Variants in SULF1 observed in about 807,000 individuals in gnomAD.
SULF1 encodes sulfatase 1, also known as extracellular sulfatase Sulf-1.
SULF1 carries 46 observed loss-of-function variants against 110.5 expected under a neutral mutation model. The ratio of observed to expected loss-of-function variants is 0.42; its 90% CI spans 0.33 to 0.53. The LOEUF is 0.53. Among genes scored for constraint, SULF1 ranks in the 20% least tolerant of loss-of-function variants. The pLI is 0.12. For missense variants in SULF1, 941 were observed against 1,094.2 expected (o/e 0.86, Z 1.98); for synonymous variants, 371 against 387.1 (o/e 0.96, Z 0.49).
At chr8:69,603,566 A>T (rs1221771840) in intron 11 of SULF1, 34 bp from the exon 12 acceptor site, 1 of 1,585,382 alleles carries the variant, frequency 6.3e-7, no homozygotes, top group African/African-American at 1.3e-5. Context: ...AAACGTCCAG[A>T]TGCCAAAAGT....
At chr8:69,626,780 AGCCCAC>A (rs1810093815) in intron 15 of SULF1, among the ~76,000 whole-genome samples, 1 of 152,222 alleles carries the variant, frequency 6.6e-6, no homozygotes, top group African/African-American at 2.4e-5. Context: ...GGGCCAGCCA[AGCCCAC>A]GCCCATCCGG....
At chr8:69,572,975 A>C (rs551699036) in intron 5 of SULF1, among the ~76,000 whole-genome samples, 31 of 152,270 alleles carry the variant, frequency 2.0e-4, no homozygotes, top group East Asian at 1.7e-3. Flanking sequence ...CTACAGGCGC[A>C]TGCCATCATG....
chr8:69,526,796 A>AG (rs879687751), intron 3 of SULF1, among the ~76,000 whole-genome samples: 126 of 125,256 alleles, frequency 1.0e-3, no homozygotes, highest in Middle Eastern at 3.6e-3. Context: ...GTGTCAAGAA[A>AG]GAAAGGAAGG....
In SULF1 at chr8:69,578,719, A is replaced by G. The variant is rs569043767; in HGVS notation, c.412+2510A>G. On this transcript the variant is annotated intron_variant, in intron 6 of 22. Coordinates refer to ENST00000402687, the MANE Select transcript of SULF1 (RefSeq NM_001128205.2). ...TTCAGTCGATGTCTTCTCCAGGGAG[A>G]GTAGATTTGCTCCTGGAAACTAAAT... Among the ~76,000 whole-genome samples, 4 of 152,172 alleles carry G rather than the reference A, an allele frequency of 2.6e-5. No homozygotes were observed. In the South Asian group the frequency reaches 8.3e-4, roughly 32 times the overall value.
chr8:69,653,345 C>T (rs1026164644), intron 22 of SULF1, among the ~76,000 whole-genome samples: 39 of 152,196 alleles, frequency 2.6e-4, no homozygotes, highest in African/African-American at 9.2e-4. Context: ...GCTGGGATTA[C>T]AGGCATGAGC....
In SULF1 at chr8:69,556,090, G is replaced by T. The variant is rs187755529; in HGVS notation, c.-133-7449G>T. 3.5e-3 allele frequency among the ~76,000 whole-genome samples: 535 copies of T among 152,284 alleles called. 6 individuals carry two copies. Among genetic ancestry groups the T allele is most frequent in the African/African-American group, 0.012 (484 of 41,550 alleles). On this transcript the variant is annotated intron_variant, in intron 3 of 22. Transcript: ENST00000402687. Reference sequence around the variant, plus strand: ...TTCGTTACTTGAGATATGTGTCTGTGTGTGGGTATATATATTTATACACAT... The same window carrying T: ...TTCGTTACTTGAGATATGTGTCTGTTTGTGGGTATATATATTTATACACAT...
intron 22 of SULF1, among the ~76,000 whole-genome samples, chr8:69,656,237 T>A (rs1812720064): frequency 6.6e-6 from 1 of 152,248 alleles, no homozygotes. Flanking sequence ...CTTTATAGTT[T>A]ATTTCGCCAG....
chr8:69,640,548 T>C (rs1811399054), intron 21 of SULF1, among the ~76,000 whole-genome samples: 1 of 152,240 alleles, frequency 6.6e-6, no homozygotes, highest in Non-Finnish European at 1.5e-5. Flanking sequence ...TGCTTTTAAG[T>C]GGGCTCTCCT....
At chr8:69,514,670 A>G (rs1811801711) in intron 3 of SULF1, among the ~76,000 whole-genome samples, 2 of 152,238 alleles carry the variant, frequency 1.3e-5, no homozygotes, top group African/African-American at 2.4e-5. Context: ...CATCTGAGAC[A>G]AGGCAAGTCC....
At chr8:69,629,233 C>T (rs1043230544) in intron 18 of SULF1, among the ~76,000 whole-genome samples, 5 of 152,092 alleles carry the variant, frequency 3.3e-5, no homozygotes, top group African/African-American at 1.2e-4. Context: ...AGGGTTTCAC[C>T]GTGTTGGCCA....
intron 7 of SULF1, among the ~76,000 whole-genome samples, chr8:69,588,198 CT>C (rs1257508840): frequency 6.6e-6 from 1 of 152,178 alleles, no homozygotes; most frequent in Non-Finnish European, 1.5e-5. Context: ...TCCTCCCTCC[CT>C]CTTACAGACC....
At chr8:69,640,985 G>A (rs1187308308) in intron 22 of SULF1, 144 bp downstream of exon 22, 1 of 617,892 alleles carries the variant, frequency 1.6e-6, no homozygotes, top group Non-Finnish European at 2.7e-6. Flanking sequence ...TCTCCACTAT[G>A]TTTTGTCATT....
chr8:69,623,756 C>T (rs894858180), intron 14 of SULF1, among the ~76,000 whole-genome samples, 186 bp from the exon 15 acceptor site: 1 of 114,908 alleles, frequency 8.7e-6, no homozygotes, highest in Non-Finnish European at 2.2e-5. Context: ...GGCAATGGCA[C>T]TGCCAGGCAA....
chr8:69,535,803 G>A (rs1280110777), intron 3 of SULF1, among the ~76,000 whole-genome samples: 14 of 151,978 alleles, frequency 9.2e-5, no homozygotes, highest in Admixed American at 7.9e-4. Context: ...AAGCCGAGGC[G>A]GGCAGATCAC....
At chr8:69,558,543 T>A (rs1028809929) in intron 3 of SULF1, among the ~76,000 whole-genome samples, 1 of 152,224 alleles carries the variant, frequency 6.6e-6, no homozygotes, top group Non-Finnish European at 1.5e-5. Context: ...TGTGTTATCC[T>A]TGGGTAATAA....
At chr8:69,486,808 GAAAACACGACT>G (rs1809732433) in intron 1 of SULF1, among the ~76,000 whole-genome samples, 1 of 152,128 alleles carries the variant, frequency 6.6e-6, no homozygotes, top group Non-Finnish European at 1.5e-5. Flanking sequence ...CGCCCCTGCA[GAAAACACGACT>G]GGTTATTTAG....
At chr8:69,621,279 A>G (rs201562328) in intron 14 of SULF1, 28 bp downstream of exon 14, 29 of 1,571,700 alleles carry the variant, frequency 1.8e-5, no homozygotes, top group Admixed American at 1.0e-4. Context: ...GACCATCTCA[A>G]TGGTGGCCTA....
chr8:69,468,624 G>A (rs1186367383), intron 1 of SULF1, among the ~76,000 whole-genome samples: 1 of 152,094 alleles, frequency 6.6e-6, no homozygotes, highest in Non-Finnish European at 1.5e-5. Flanking sequence ...CGGAGTTCCA[G>A]TCATTCCATT....
chr8:69,639,718 T>C (rs1811318486), intron 21 of SULF1, among the ~76,000 whole-genome samples: 1 of 152,172 alleles, frequency 6.6e-6, no homozygotes, highest in African/African-American at 2.4e-5. Flanking sequence ...CCGCTGGGTT[T>C]TCTCTGTGAG....
Sources: allele counts gnomAD v4.1 joint callset (sites outside exome capture counted in the v4.1 genomes callset), GRCh38; gene constraint gnomAD v4.1.1; transcripts MANE v1.5; gene names NCBI Gene and HGNC (gene_info 2026-07-23, HGNC 2026-07-21).